The following EPHA5 variants were observed in gnomAD, a reference collection of about 807,000 sequenced individuals.
The protein encoded by EPHA5 is ephrin type-A receptor 5.
A neutral mutation model predicts 105.0 loss-of-function variants in EPHA5; 60 were observed. The observed-to-expected ratio is 0.57, with a 90% CI of 0.46 to 0.71. The LOEUF is 0.71. Among genes scored for constraint, EPHA5 ranks in the 30% least tolerant of loss-of-function variants. The probability of loss-of-function intolerance (pLI) is 0.00; values close to 1 mark genes in which losing one functional copy is unlikely to be tolerated. For synonymous variants in EPHA5, 513 were observed against 449.1 expected (o/e 1.14, Z -1.80); for missense variants, 1,218 against 1,274.7 (o/e 0.96, Z 0.68).
chr4:65,384,782 C>T (rs191385009), intron 8 of EPHA5, among the ~76,000 whole-genome samples: 10 of 152,000 alleles, frequency 6.6e-5, no homozygotes, highest in Admixed American at 3.3e-4. Context: ...TTGCAATCAA[C>T]GACCATCTTA....
At chr4:65,667,685 C>G (rs1350229703) in intron 1 of EPHA5, among the ~76,000 whole-genome samples, 4 of 152,144 alleles carry the variant, frequency 2.6e-5, no homozygotes, top group African/African-American at 9.7e-5. Flanking sequence ...CCTGCACAGT[C>G]TTGGCTCTTG....
At position 65,535,763 on chromosome 4, in the gene EPHA5, G is replaced by A. The variant is rs75552083; in HGVS notation, c.911-40220C>T. Among the ~76,000 whole-genome samples, 30 of 152,048 alleles carry A rather than the reference G, an allele frequency of 2.0e-4. No individual in the cohort carries two copies. In the East Asian group the frequency reaches 4.6e-3, roughly 23 times the overall value. ...TTATATACAAGAGAGAATAATATGG[G>A]TCCAGTGAAGGAAACAGTAGTATTG... On this transcript the variant is annotated intron_variant, in intron 3 of 16. Coordinates refer to ENST00000613740, the MANE Select transcript of EPHA5 (RefSeq NM_001281766.3).
intron 15 of EPHA5, 34 bp from the exon 16 acceptor site, chr4:65,332,162 C>A (rs1319956441): frequency 6.7e-7 from 1 of 1,487,726 alleles, no homozygotes; most frequent in African/African-American, 1.4e-5. Flanking sequence ...TTAAAAGTTA[C>A]AATTTAATTC....
intron 7 of EPHA5, among the ~76,000 whole-genome samples, chr4:65,404,839 T>C (rs1722203828): frequency 2.0e-5 from 3 of 152,154 alleles, no homozygotes; most frequent in Admixed American, 1.3e-4. Flanking sequence ...AGGTGCCAGG[T>C]ATATAAGATT....
chr4:65,549,975 C>T (rs1737741368), intron 3 of EPHA5, among the ~76,000 whole-genome samples: 5 of 152,074 alleles, frequency 3.3e-5, no homozygotes, highest in African/African-American at 1.2e-4. Context: ...AAATATATTG[C>T]AGTATTTTAG....
At position 65,476,125 on chromosome 4, in the gene EPHA5, A is replaced by AGTGTGT. The variant is rs1472563369; in HGVS notation, c.1402+14251_1402+14252insACACAC. Among the ~76,000 whole-genome samples the AGTGTGT allele has an allele frequency of 2.4e-3, 318 of 132,310 alleles. 2 individuals carry two copies. The Middle Eastern group carries it at 0.035, about 15-fold the overall frequency. 86.8% of individuals were successfully genotyped at this position (132,310 alleles called of 152,430 possible). A position where few individuals can be genotyped will look rare whatever the true frequency, so the allele number is the denominator to read the frequency against. Reference sequence around the variant, plus strand: ...GAGAGAGAGAGAGAGAGAGAGAGAGAGAGTGTGTGTGTGTGTGTGTGTGTG... The same window carrying AGTGTGT: ...GAGAGAGAGAGAGAGAGAGAGAGAGAGTGTGTGAGTGTGTGTGTGTGTGTGTGTGTG... On this transcript the variant is annotated intron_variant, in intron 5 of 16. Coordinates refer to ENST00000613740, the MANE Select transcript of EPHA5 (RefSeq NM_001281766.3).
At chr4:65,591,015 TC>T (rs1307479216) in intron 3 of EPHA5, among the ~76,000 whole-genome samples, 6 of 152,016 alleles carry the variant, frequency 3.9e-5, no homozygotes, top group Admixed American at 3.9e-4. Flanking sequence ...GGCAGGTTAA[TC>T]CCTTCCCCAA....
At chr4:65,559,599 A>G (rs1410351899) in intron 3 of EPHA5, among the ~76,000 whole-genome samples, 1 of 152,160 alleles carries the variant, frequency 6.6e-6, no homozygotes, top group Non-Finnish European at 1.5e-5. Flanking sequence ...TTTAATAAAT[A>G]TTAACCAGCA....
intron 13 of EPHA5, 75 bp from the exon 14 acceptor site, chr4:65,348,278 A>C: frequency 7.6e-7 from 1 of 1,312,194 alleles, no homozygotes; most frequent in Non-Finnish European, 1.1e-6. Context: ...CTCACTGAAA[A>C]GATCTAGACA....
rs1291280844 is a variant in EPHA5 at position 65,601,939 on chromosome 4, A to C, written c.612T>G (p.Pro204=). 6.2e-7 allele frequency: 1 copy of C among 1,614,044 alleles called. No homozygotes were observed. Among genetic ancestry groups the C allele is most frequent in the Non-Finnish European group, 8.5e-7 (1 of 1,180,014 alleles). ...KLNTEVRDVG[P]LSKKGFYLAF... is the part of the protein sequence containing the mutation. ...CAAGATAAAATCCCTTTTTGCTTAGAGGTCCTACATCTCTGACCTCTGTAT... is the reference window on the plus strand; with the variant it reads ...CAAGATAAAATCCCTTTTTGCTTAGCGGTCCTACATCTCTGACCTCTGTAT... The change falls in exon 3 of 17, where the codon CCT becomes CCG. Residue 204 remains proline (P), a synonymous_variant. Coordinates refer to ENST00000613740, the MANE Select transcript of EPHA5 (RefSeq NM_001281766.3).
At chr4:65,595,659 C>T (rs1743101492) in intron 3 of EPHA5, among the ~76,000 whole-genome samples, 1 of 151,002 alleles carries the variant, frequency 6.6e-6, no homozygotes, top group African/African-American at 2.4e-5. Context: ...CCACTCACTG[C>T]AAGCTCCACC....
chr4:65,478,245 G>T (rs1039339253), intron 5 of EPHA5, among the ~76,000 whole-genome samples: 38 of 152,218 alleles, frequency 2.5e-4, no homozygotes, highest in African/African-American at 8.7e-4. Flanking sequence ...AAGCATCAGT[G>T]TGAGGCCAAT....
Position 65,352,510 on chromosome 4 carries a change from C to T in EPHA5, c.2235+532G>A, listed in dbSNP as rs1356297857. The stretch of plus-strand genomic sequence containing the variant: ...ACATGAAGAAAATCTTTCCCTGAAA[C>T]GCTGGTGATCTGATAATATTAGCTA... On this transcript the variant is annotated intron_variant, in intron 12 of 16. Coordinates refer to ENST00000613740, the MANE Select transcript of EPHA5 (RefSeq NM_001281766.3). Among the ~76,000 whole-genome samples, 6 of 151,942 alleles carry T rather than the reference C, an allele frequency of 3.9e-5. 1 individual carries two copies. Among genetic ancestry groups the T allele is most frequent in the Admixed American group, 2.6e-4 (4 of 15,206 alleles).
chr4:65,521,368 C>T (rs963345214), intron 3 of EPHA5, among the ~76,000 whole-genome samples: 26 of 152,104 alleles, frequency 1.7e-4, no homozygotes, highest in African/African-American at 5.3e-4. Flanking sequence ...ACACCAGAGC[C>T]TGTCTTGAGG....
intron 5 of EPHA5, among the ~76,000 whole-genome samples, chr4:65,468,715 G>T (rs1381071099): frequency 1.4e-5 from 2 of 141,732 alleles, no homozygotes. Context: ...ATAAAACAAG[G>T]TTTGGATGTT....
intron 5 of EPHA5, among the ~76,000 whole-genome samples, chr4:65,467,239 C>T (rs751136653): frequency 1.4e-4 from 22 of 152,196 alleles, no homozygotes; most frequent in Non-Finnish European, 2.9e-4. Context: ...GACCAGAAAG[C>T]AAAAGAGAGT....
At chr4:65,587,832 G>A (rs2149408889) in intron 3 of EPHA5, among the ~76,000 whole-genome samples, 1 of 152,086 alleles carries the variant, frequency 6.6e-6, no homozygotes, top group African/African-American at 2.4e-5. Flanking sequence ...CTGAAAATAG[G>A]GTCCGAATCT....
At chr4:65,598,155 A>G (rs1028202309) in intron 3 of EPHA5, among the ~76,000 whole-genome samples, 1 of 152,172 alleles carries the variant, frequency 6.6e-6, no homozygotes, top group Non-Finnish European at 1.5e-5. Flanking sequence ...TAATATGGCC[A>G]TATTATATTT....
chr4:65,515,444 A>G (rs1449543448), intron 3 of EPHA5, among the ~76,000 whole-genome samples: 1 of 152,182 alleles, frequency 6.6e-6, no homozygotes, highest in Non-Finnish European at 1.5e-5. Flanking sequence ...GACAACAAGT[A>G]TCTTAAAATG....
Sources: allele counts gnomAD v4.1 joint callset (sites outside exome capture counted in the v4.1 genomes callset), GRCh38; gene constraint gnomAD v4.1.1; transcripts MANE v1.5; gene names NCBI Gene and HGNC (gene_info 2026-07-23, HGNC 2026-07-21).